Variants in RUNDC3A observed in about 807,000 individuals in gnomAD.
RUNDC3A encodes the protein RUN domain containing 3A.
Under a neutral mutation model 53.9 loss-of-function variants are expected in RUNDC3A, and 28 were observed. That is an observed-to-expected ratio of 0.52 (90% CI 0.38 to 0.71). The LOEUF is 0.71. Ranked by LOEUF, RUNDC3A falls within the 30% of genes least tolerant of loss-of-function variation. RUNDC3A has a pLI of 0.00. For missense variants in RUNDC3A, 491 were observed against 597.3 expected (o/e 0.82, Z 1.85); for synonymous variants, 232 against 249.4 (o/e 0.93, Z 0.66).
rs758812122 is a variant in RUNDC3A at position 44,312,596 on chromosome 17, C to T, written c.124C>T (p.Leu42=). 16 of 1,573,502 alleles carry T rather than the reference C, an allele frequency of 1.0e-5. No individual in the cohort carries two copies. In the South Asian group the frequency reaches 1.6e-4, roughly 16 times the overall value. The change falls in exon 2 of 11, where the codon CTG becomes TTG. Residue 42 remains leucine, a synonymous_variant. Transcript: ENST00000426726. ...GCCGCCCAGGTTCTCTGTGAAAACG[C>T]TGCTGGAGAAGTACACAGCGGAGCC... ...ITVCRFSVKT[L]LEKYTAEPID...
In RUNDC3A at chr17:44,313,091, T is replaced by C; in HGVS notation, c.224-13T>C. On this transcript the variant is annotated splice_polypyrimidine_tract_variant and intron_variant, in intron 2 of 10. Transcript: ENST00000426726. ...CCCTGGTCTTGCTGAGCCCCCTCCC[T>C]GCCCTGGCTCAGCCTGTGCCCCAGC... 3.7e-6 allele frequency: 6 copies of C among 1,612,458 alleles called. No individual in the cohort carries two copies. The highest frequency in any genetic ancestry group is 5.1e-6 in the Non-Finnish European group (6 of 1,178,612).
intron 4 of RUNDC3A, chr17:44,313,868 C>T: frequency 3.9e-6 from 3 of 775,214 alleles, no homozygotes; most frequent in Non-Finnish European, 4.7e-6. Flanking sequence ...TTTAGTTTCT[C>T]CATGTTGGTC....
At chr17:44,316,996 T>C (rs377604674) in intron 10 of RUNDC3A, 7 of 456,980 alleles carry the variant, frequency 1.5e-5, no homozygotes, top group Non-Finnish European at 2.7e-5. Flanking sequence ...CTAATTTGTG[T>C]ATTTTTAGTA....
chr17:44,311,715 T>G (rs933566323), intron 1 of RUNDC3A, among the ~76,000 whole-genome samples: 2 of 152,056 alleles, frequency 1.3e-5, no homozygotes, highest in Admixed American at 6.5e-5. Context: ...AGGGGGAGAT[T>G]GCAGGGGTAG....
At position 44,314,978 on chromosome 17, in the gene RUNDC3A, G is replaced by A. The variant is rs754541765; in HGVS notation, c.598G>A (p.Asp200Asn). ...VLDGKTPVVI[D>N]YTPYLKFTQS... is the part of the protein sequence containing the mutation. ...GGACGGGAAGACCCCCGTGGTCATC[G>A]ATTACACGCCCTACCTAAAGTTCAC... The change falls in exon 6 of 11, where the codon GAT becomes AAT. Residue 200 changes from aspartate (D) to asparagine (N), a missense_variant. Coordinates refer to ENST00000426726, the MANE Select transcript of RUNDC3A (RefSeq NM_001144825.2). The A allele has an allele frequency of 6.2e-7, 1 of 1,613,972 alleles. No individual in the cohort carries two copies. Among genetic ancestry groups the A allele is most frequent in the Admixed American group, 1.7e-5 (1 of 60,032 alleles).
Position 44,314,322 on chromosome 17 carries a change from G to A in RUNDC3A, c.459-413G>A, listed in dbSNP as rs1041613396. ...TGAAGCTGTCTGGGTGTGGCGGGGG[G>A]CATATACCTCCCCATCCCAATTGGC... On this transcript the variant is annotated intron_variant, in intron 4 of 10. Coordinates refer to ENST00000426726, the MANE Select transcript of RUNDC3A (RefSeq NM_001144825.2). 1.2e-5 allele frequency: 12 copies of A among 1,026,506 alleles called. No homozygotes were observed. The Admixed American group carries it at 4.8e-4, about 41-fold the overall frequency. 63.6% of individuals were successfully genotyped at this position (1,026,506 alleles called of 1,614,324 possible). A position where few individuals can be genotyped will look rare whatever the true frequency, so the allele number is the denominator to read the frequency against.
intron 10 of RUNDC3A, 43 bp from the exon 11 acceptor site, chr17:44,318,053 C>T: frequency 1.9e-6 from 3 of 1,543,180 alleles, no homozygotes; most frequent in Non-Finnish European, 2.6e-6. Context: ...AACTCCCACA[C>T]ATGTAGACTG....
chr17:44,316,566 C>A, intron 9 of RUNDC3A, 44 bp downstream of exon 9: 1 of 1,587,938 alleles, frequency 6.3e-7, no homozygotes. Context: ...AGCGGGTCGT[C>A]CTGGGGAAGA....
In RUNDC3A at chr17:44,318,128, T is replaced by C; in HGVS notation, c.1231T>C (p.Cys411Arg). 1 of 1,551,496 alleles carries C rather than the reference T, an allele frequency of 6.4e-7. No individual in the cohort carries two copies. Among genetic ancestry groups the C allele is most frequent in the Non-Finnish European group, 8.7e-7 (1 of 1,146,974 alleles). The change falls in exon 11 of 11, where the codon TGC (cysteine) becomes CGC (arginine). Residue 411 changes from cysteine to arginine, a missense_variant. By Grantham distance (180) the Cys-to-Arg change is radical. Around this residue, in one of 2 missense-constraint regions of RUNDC3A, gnomAD observed 218 missense variants for 208.2 expected, o/e 1.05. Coordinates refer to ENST00000426726, the MANE Select transcript of RUNDC3A (RefSeq NM_001144825.2). Reference protein sequence around the residue: ...KDPTPSMLGLCGSLASIPSCK... With the variant: ...KDPTPSMLGLRGSLASIPSCK... ...CCCCACGCCCTCCATGCTGGGCCTC[T>C]GCGGCTCCCTGGCCTCCATTCCCAG...
At position 44,313,099 on chromosome 17, in the gene RUNDC3A, C is replaced by T. The variant is rs577188831; in HGVS notation, c.224-5C>T. On this transcript the variant is annotated splice_region_variant and splice_polypyrimidine_tract_variant and intron_variant, in intron 2 of 10. Coordinates refer to ENST00000426726, the MANE Select transcript of RUNDC3A (RefSeq NM_001144825.2). ...TTGCTGAGCCCCCTCCCTGCCCTGG[C>T]TCAGCCTGTGCCCCAGCAGGTCCAG... 2.5e-6 allele frequency: 4 copies of T among 1,613,454 alleles called. No individual in the cohort carries two copies. Among genetic ancestry groups the T allele is most frequent in the Non-Finnish European group, 3.4e-6 (4 of 1,179,400 alleles).
rs914191932 is a variant in RUNDC3A at position 44,311,396 on chromosome 17, C to T, written c.108-1184C>T. 11 of 955,126 alleles carry T rather than the reference C, an allele frequency of 1.2e-5. No individual in the cohort carries two copies. In the African/African-American group the frequency reaches 1.2e-4, roughly 11 times the overall value. The allele number at this position is 955,126 out of a possible 1,614,324, so 59.2% of individuals were successfully genotyped here. A position where few individuals can be genotyped will look rare whatever the true frequency, so the allele number is the denominator to read the frequency against. On this transcript the variant is annotated intron_variant, in intron 1 of 10. Transcript: ENST00000426726. ...AGAATCAGACATACCTGCTTGACTA[C>T]TCATAAGCCATGTGACTCCGAACAG...
intron 4 of RUNDC3A, 168 bp from the exon 5 acceptor site, chr17:44,314,567 G>C (rs769008918): frequency 1.7e-5 from 25 of 1,442,102 alleles, no homozygotes; most frequent in Non-Finnish European, 2.3e-5. Context: ...CCACAGGTGC[G>C]AGCCCCAGGC....
intron 1 of RUNDC3A, 67 bp downstream of exon 1, chr17:44,309,006 C>T: frequency 7.3e-6 from 8 of 1,099,304 alleles, no homozygotes; most frequent in Non-Finnish European, 1.0e-5. Flanking sequence ...CTGCGGAAAC[C>T]CGGACTGAGC....
At chr17:44,308,999 C>T (rs1425113592) in intron 1 of RUNDC3A, 60 bp downstream of exon 1, 8 of 1,186,082 alleles carry the variant, frequency 6.7e-6, no homozygotes, top group Middle Eastern at 2.1e-4. Flanking sequence ...GGGTGGACTG[C>T]GGAAACCCGG....
At position 44,315,437 on chromosome 17, in the gene RUNDC3A, G is replaced by A. The variant is rs1275451065; in HGVS notation, c.796-15G>A. On this transcript the variant is annotated splice_polypyrimidine_tract_variant and intron_variant, in intron 7 of 10. Coordinates refer to ENST00000426726, the MANE Select transcript of RUNDC3A (RefSeq NM_001144825.2). The surrounding 1 kb of genome is among the most constrained non-coding windows in gnomAD (Gnocchi z 6.1). ...ACGTCCTCCCAGCCGCCCGGGCTGA[G>A]CCGGCGCCCCGCAGGGCTACCTGGA... is the stretch of plus-strand genomic sequence containing the variant. 1.4e-6 allele frequency: 2 copies of A among 1,435,374 alleles called. No homozygotes were observed. The highest frequency in any genetic ancestry group is 5.8e-5 in the Admixed American group (2 of 34,270). 88.9% of individuals were successfully genotyped at this position (1,435,374 alleles called of 1,614,324 possible).
chr17:44,315,048 G>A lies in RUNDC3A; in HGVS notation c.629+39G>A, dbSNP rs939707432. ...TGACTGCGGCGGGGCGGGGGACGGG[G>A]CCTCGGGACATCCTGGGGACGTCCT... On this transcript the variant is annotated intron_variant, in intron 6 of 10. Transcript: ENST00000426726. The surrounding 1 kb of genome is among the most constrained non-coding windows in gnomAD (Gnocchi z 6.1). The A allele has an allele frequency of 2.5e-6, 4 of 1,612,002 alleles. No homozygotes were observed. Among genetic ancestry groups the A allele is most frequent in the African/African-American group, 1.3e-5 (1 of 74,916 alleles).
intron 4 of RUNDC3A, 173 bp downstream of exon 4, chr17:44,313,676 C>G: frequency 8.6e-7 from 1 of 1,163,138 alleles, no homozygotes; most frequent in Non-Finnish European, 1.1e-6. Context: ...CCAGGACGAA[C>G]TCTTTTTTTT....
In RUNDC3A at chr17:44,318,465, G is replaced by C. The variant is rs1228837424; in HGVS notation, c.*227G>C. ...AGGAGGCAGGGGTGCCCAAGCCACAGGGAGCCCCTGGGGAAGCCTGCTCCA... is the reference window on the plus strand; with the variant it reads ...AGGAGGCAGGGGTGCCCAAGCCACACGGAGCCCCTGGGGAAGCCTGCTCCA... On this transcript the variant is annotated 3_prime_UTR_variant, in exon 11 of 11. Transcript: ENST00000426726. 5.4e-6 allele frequency: 3 copies of C among 555,730 alleles called. No individual in the cohort carries two copies. The highest frequency in any genetic ancestry group is 9.6e-6 in the Non-Finnish European group (3 of 311,388). The allele number at this position is 555,730 out of a possible 1,614,324, so 34.4% of individuals were successfully genotyped here. A position where few individuals can be genotyped will look rare whatever the true frequency, so the allele number is the denominator to read the frequency against.
In RUNDC3A at chr17:44,318,540, G is replaced by C. The variant is rs2047921701; in HGVS notation, c.*302G>C. Reference sequence around the variant, plus strand: ...TTCACTCATCTCCCCTGCCCCCTCAGGAACTGGTGGCCCAGCTTCCACACC... The same window carrying C: ...TTCACTCATCTCCCCTGCCCCCTCACGAACTGGTGGCCCAGCTTCCACACC... On this transcript the variant is annotated 3_prime_UTR_variant, in exon 11 of 11. Transcript: ENST00000426726. 2.7e-6 allele frequency: 1 copy of C among 365,322 alleles called. No individual in the cohort carries two copies. Among genetic ancestry groups the C allele is most frequent in the African/African-American group, 2.0e-5 (1 of 49,220 alleles). The allele number at this position is 365,322 out of a possible 1,614,324, so 22.6% of individuals were successfully genotyped here. A position where few individuals can be genotyped will look rare whatever the true frequency, so the allele number is the denominator to read the frequency against.
Sources: gnomAD v4.1 joint callset for allele counts (sites outside exome capture counted in the v4.1 genomes callset) on GRCh38, gnomAD v4.1.1 for gene constraint, gnomAD v4.1.1 regional missense constraint, Gnocchi (gnomAD v3.1) non-coding constraint, MANE v1.5 for transcripts, NCBI Gene and HGNC (gene_info 2026-07-23, HGNC 2026-07-21) for gene names.